The following ACMSD variants were observed in gnomAD, a reference collection of about 807,000 sequenced individuals.
ACMSD encodes aminocarboxymuconate semialdehyde decarboxylase.
ACMSD carries 37 observed loss-of-function variants against 45.9 expected under a neutral mutation model. That is an observed-to-expected ratio of 0.81 (90% CI 0.62 to 1.06). ACMSD has a LOEUF of 1.06. Ranked by LOEUF, ACMSD falls within the 50% of genes least tolerant of loss-of-function variation. The pLI is 0.00. For synonymous variants in ACMSD, 138 were observed against 148.8 expected (o/e 0.93, Z 0.53); for missense variants, 434 against 420.9 (o/e 1.03, Z -0.27).
chr2:134,872,584 A>G lies in ACMSD; in HGVS notation c.792A>G (p.Thr264=). The G allele has an allele frequency of 6.2e-7, 1 of 1,614,128 alleles. No individual in the cohort carries two copies. The highest frequency in any genetic ancestry group is 8.5e-7 in the Non-Finnish European group (1 of 1,180,022). Residue 264 remains threonine, a synonymous_variant, in exon 8 of 10, where the codon ACA becomes ACG. Transcript: ENST00000356140. ...NPKKYLGSFY[T]DALVHDPLSL... ...AGAAATACCTTGGTTCCTTTTACAC[A>G]GATGCTTTGGTTCATGATCCTCTGT... is the stretch of plus-strand genomic sequence containing the variant.
chr2:134,862,825 A>G (rs1001930781), intron 4 of ACMSD: 12 of 302,070 alleles, frequency 4.0e-5, no homozygotes, highest in Non-Finnish European at 5.8e-5. Context: ...GTGACAGAGG[A>G]AAGTAAACAG....
intron 5 of ACMSD, among the ~76,000 whole-genome samples, chr2:134,866,325 G>C (rs1408715943): frequency 6.6e-6 from 1 of 151,754 alleles, no homozygotes; most frequent in Non-Finnish European, 1.5e-5. Flanking sequence ...ACCACCAGAG[G>C]CACATAGAAT....
At position 134,902,002 on chromosome 2, in the gene ACMSD, A is replaced by G; in HGVS notation, c.*142A>G. 2.0e-6 allele frequency: 1 copy of G among 492,508 alleles called. No individual in the cohort carries two copies. The allele number at this position is 492,508 out of a possible 1,614,324, so 30.5% of individuals were successfully genotyped here. A position where few individuals can be genotyped will look rare whatever the true frequency, so the allele number is the denominator to read the frequency against. On this transcript the variant is annotated 3_prime_UTR_variant, in exon 10 of 10. Transcript: ENST00000356140. ...CCAAATATCCTAAATTATTCATAAT[A>G]AAAATGATTTGTAAGTGTTTTCATT...
At chr2:134,855,995 C>T (rs1687563101) in intron 2 of ACMSD, among the ~76,000 whole-genome samples, 1 of 152,150 alleles carries the variant, frequency 6.6e-6, no homozygotes, top group Non-Finnish European at 1.5e-5. Flanking sequence ...AACCTTGAGG[C>T]CCTGAAGCAC....
At chr2:134,859,795 T>A (rs2104848944) in intron 3 of ACMSD, 1 of 152,994 alleles carries the variant, frequency 6.5e-6, no homozygotes, top group East Asian at 1.9e-4. Flanking sequence ...CACTGACACA[T>A]CAGGGTTGGA....
chr2:134,886,247 T>TTATTATTATTATTA (rs1491266697), intron 8 of ACMSD, among the ~76,000 whole-genome samples: 2 of 119,162 alleles, frequency 1.7e-5, no homozygotes, highest in South Asian at 2.5e-4. Flanking sequence ...ATTATTATTA[T>TTATTATTATTATTA]TTTTTTTTTT....
intron 8 of ACMSD, among the ~76,000 whole-genome samples, chr2:134,885,285 T>TAAATATATATTATATTATATATAATA (rs10636216): frequency 9.6e-6 from 1 of 104,378 alleles, no homozygotes; most frequent in Non-Finnish European, 1.8e-5. Flanking sequence ...ATATTATATA[T>TAAATATATATTATATTATATATAATA]TATATTTATA....
intron 7 of ACMSD, among the ~76,000 whole-genome samples, chr2:134,871,951 G>A (rs1275622327): frequency 7.3e-6 from 1 of 137,438 alleles, no homozygotes; most frequent in Non-Finnish European, 1.5e-5. Flanking sequence ...TTACACACTT[G>A]CCTTCACTCT....
At position 134,867,645 on chromosome 2, in the gene ACMSD, G is replaced by A; in HGVS notation, c.553G>A (p.Ala185Thr). The change falls in exon 6 of 10, where the codon GCC becomes ACC. Residue 185 changes from alanine (A) to threonine (T), a missense_variant. Ala to Thr is a moderately conservative substitution (Grantham distance 58, BLOSUM62 0). Coordinates refer to ENST00000356140, the MANE Select transcript of ACMSD (RefSeq NM_138326.3). The stretch of plus-strand genomic sequence containing the variant: ...GGACATGCAGATGGATGGACGAATG[G>A]CCAAATACTGGCTCCCTTGGCTTGT... ...PWDMQMDGRM[A>T]KYWLPWLVGM... 2 of 1,613,718 alleles carry A rather than the reference G, an allele frequency of 1.2e-6. No individual in the cohort carries two copies. The highest frequency in any genetic ancestry group is 1.7e-6 in the Non-Finnish European group (2 of 1,179,786).
chr2:134,885,290 T>TAC (rs374618397), intron 8 of ACMSD, among the ~76,000 whole-genome samples: 72 of 45,426 alleles, frequency 1.6e-3, no homozygotes, highest in African/African-American at 7.3e-3. Context: ...ATATATTATA[T>TAC]TTATATATAT....
chr2:134,860,526 G>A (rs1270088189), intron 3 of ACMSD, among the ~76,000 whole-genome samples: 1 of 152,074 alleles, frequency 6.6e-6, no homozygotes, highest in South Asian at 2.1e-4. Flanking sequence ...AAATAAAAGA[G>A]CAGTTTAGCA....
At chr2:134,866,389 C>T (rs1045883753) in intron 5 of ACMSD, among the ~76,000 whole-genome samples, 17 of 152,182 alleles carry the variant, frequency 1.1e-4, no homozygotes, top group African/African-American at 3.9e-4. Flanking sequence ...TGACCATGCA[C>T]CTTTGCCAAA....
At chr2:134,863,676 G>A (rs769305075) in intron 5 of ACMSD, 45 bp downstream of exon 5, 15 of 1,597,858 alleles carry the variant, frequency 9.4e-6, no homozygotes, top group Non-Finnish European at 1.2e-5. Flanking sequence ...CCCAGTGCCT[G>A]GGCCGGGGGC....
chr2:134,885,316 T>TA (rs1689306856), intron 8 of ACMSD, among the ~76,000 whole-genome samples: 2 of 103,062 alleles, frequency 1.9e-5, no homozygotes, highest in South Asian at 2.7e-4. Context: ...AATATATATA[T>TA]ATAAATATAT....
intron 9 of ACMSD, among the ~76,000 whole-genome samples, chr2:134,900,404 G>A (rs1690430383): frequency 6.6e-6 from 1 of 151,958 alleles, no homozygotes; most frequent in Non-Finnish European, 1.5e-5. Context: ...ATGGACTGTC[G>A]CCATATTGCC....
intron 4 of ACMSD, chr2:134,862,928 G>C: frequency 3.1e-6 from 3 of 980,234 alleles, no homozygotes; most frequent in Non-Finnish European, 3.6e-6. Context: ...CAACAAGAAG[G>C]ACAGAGAGGA....
chr2:134,845,627 T>C (rs946323788), intron 2 of ACMSD, among the ~76,000 whole-genome samples: 1 of 150,432 alleles, frequency 6.6e-6, no homozygotes, highest in Non-Finnish European at 1.5e-5. Flanking sequence ...TAGTGCTCTC[T>C]ACAGGTTATT....
intron 2 of ACMSD, among the ~76,000 whole-genome samples, chr2:134,856,958 T>C (rs1687611665): frequency 6.6e-6 from 1 of 152,196 alleles, no homozygotes; most frequent in Admixed American, 6.5e-5. Context: ...GGGCATTTTA[T>C]TAAATCTATA....
chr2:134,897,041 A>C (rs1400586532), intron 8 of ACMSD, among the ~76,000 whole-genome samples: 1 of 152,150 alleles, frequency 6.6e-6, no homozygotes, highest in East Asian at 1.9e-4. Context: ...AAATTTTTTT[A>C]AACATTCTAT....
Sources: allele counts gnomAD v4.1 joint callset (sites outside exome capture counted in the v4.1 genomes callset), GRCh38; gene constraint gnomAD v4.1.1; transcripts MANE v1.5; gene names NCBI Gene and HGNC (gene_info 2026-07-23, HGNC 2026-07-21).